The following NAV2 variants were observed in gnomAD, a reference collection of about 807,000 sequenced individuals.
The protein encoded by NAV2 is helicase, APC down-regulated 1.
A neutral mutation model predicts 223.2 loss-of-function variants in NAV2; 54 were observed. That is an observed-to-expected ratio of 0.24 (90% CI 0.19 to 0.30). The LOEUF (loss-of-function observed/expected upper bound fraction) is 0.30, where lower values mean the gene tolerates loss of function less well. Among genes scored for constraint, NAV2 ranks in the 10% least tolerant of loss-of-function variants. The pLI, the probability that NAV2 is intolerant of heterozygous loss-of-function variation, is 1.00. For missense variants in NAV2, 2,806 were observed against 3,147.5 expected (o/e 0.89, Z 2.60); for synonymous variants, 1,279 against 1,239.3 (o/e 1.03, Z -0.67).
chr11:19,873,129 T>A (rs995339561), intron 4 of NAV2, among the ~76,000 whole-genome samples: 1 of 152,028 alleles, frequency 6.6e-6, no homozygotes, highest in Non-Finnish European at 1.5e-5. Flanking sequence ...GGTTGGGGAG[T>A]AAGGCATATT....
intron 1 of NAV2, among the ~76,000 whole-genome samples, chr11:19,528,723 A>G (rs1417269119): frequency 2.0e-5 from 3 of 152,152 alleles, no homozygotes; most frequent in African/African-American, 7.2e-5. Context: ...CGAGGTCAAG[A>G]GATCGAAACC....
chr11:19,977,716 A>G (rs575448232), intron 10 of NAV2, among the ~76,000 whole-genome samples: 1 of 150,788 alleles, frequency 6.6e-6, no homozygotes, highest in African/African-American at 2.4e-5. Flanking sequence ...TTTTCCAGTC[A>G]TATTTTTGCA....
chr11:19,358,665 C>T (rs1853758888), intron 1 of NAV2, among the ~76,000 whole-genome samples: 1 of 152,106 alleles, frequency 6.6e-6, no homozygotes, highest in Admixed American at 6.5e-5. Flanking sequence ...ATCTGCATAC[C>T]TGGGAACAGT....
At chr11:19,645,334 C>T (rs929929173) in intron 1 of NAV2, among the ~76,000 whole-genome samples, 3 of 152,242 alleles carry the variant, frequency 2.0e-5, no homozygotes, top group African/African-American at 7.2e-5. Flanking sequence ...TGGGATTACA[C>T]TGGGTGCACC....
At chr11:19,633,773 G>A (rs2047412912) in intron 1 of NAV2, among the ~76,000 whole-genome samples, 3 of 152,208 alleles carry the variant, frequency 2.0e-5, no homozygotes, top group African/African-American at 7.2e-5. Context: ...TCTGGCTTCG[G>A]CCTTTGCTCC....
chr11:19,402,168 T>C (rs898078849), intron 1 of NAV2, among the ~76,000 whole-genome samples: 16 of 152,186 alleles, frequency 1.1e-4, no homozygotes, highest in African/African-American at 3.4e-4. Flanking sequence ...CTCTAGATGG[T>C]AGGAGAAGGT....
chr11:20,027,390 CT>C, intron 11 of NAV2: 1 of 982,030 alleles, frequency 1.0e-6, no homozygotes, highest in Non-Finnish European at 1.2e-6. Flanking sequence ...CTGAATGCAG[CT>C]GTCTGGCGGG....
chr11:19,394,191 C>A (rs770914567), intron 1 of NAV2, among the ~76,000 whole-genome samples: 31 of 152,124 alleles, frequency 2.0e-4, no homozygotes, highest in Non-Finnish European at 4.1e-4. Context: ...ATCCTGGATG[C>A]TTTTGGCCCA....
At chr11:19,871,117 G>A (rs557970876) in intron 4 of NAV2, among the ~76,000 whole-genome samples, 2 of 152,266 alleles carry the variant, frequency 1.3e-5, no homozygotes, top group South Asian at 2.1e-4. Context: ...AAGGAGTTTT[G>A]TGGTATTTCA....
At position 20,045,503 on chromosome 11, in the gene NAV2, G is replaced by T. The variant is rs946734631; in HGVS notation, c.3735G>T (p.Leu1245=). ...KTALGSSLPG[L]VNQTDKEKGI... ...CCCTAGGCAGCTCTCTACCAGGTCT[G>T]GTCAACCAAACAGACAAGGAGAAAG... is the stretch of plus-strand genomic sequence containing the variant. The change falls in exon 14 of 38, where the codon CTG becomes CTT. Residue 1245 remains leucine (L), a synonymous_variant. Transcript: ENST00000349880. The T allele has an allele frequency of 3.1e-6, 5 of 1,614,032 alleles. No individual in the cohort carries two copies. In the African/African-American group the frequency reaches 6.7e-5, roughly 22 times the overall value.
At chr11:19,843,254 C>T (rs2060603238) in intron 3 of NAV2, among the ~76,000 whole-genome samples, 1 of 152,202 alleles carries the variant, frequency 6.6e-6, no homozygotes. Flanking sequence ...CAAAGACCCA[C>T]ATCAATATGT....
chr11:19,691,303 A>G lies in NAV2; in HGVS notation c.76-141181A>G, dbSNP rs1473077911. ...TCATTATAGCAAATGAAATCATTTA[A>G]CCCAATATATCCAAAATATTCCCAT... is the stretch of plus-strand genomic sequence containing the variant. On this transcript the variant is annotated intron_variant, in intron 1 of 37. Transcript: ENST00000360655. Among the ~76,000 whole-genome samples the G allele has an allele frequency of 5.3e-5, 8 of 152,238 alleles. 1 individual carries two copies. The highest frequency in any genetic ancestry group is 5.2e-4 in the Admixed American group (8 of 15,288).
At chr11:20,059,906 C>T (rs2058599999) in intron 19 of NAV2, among the ~76,000 whole-genome samples, 1 of 152,230 alleles carries the variant, frequency 6.6e-6, no homozygotes, top group African/African-American at 2.4e-5. Flanking sequence ...AGGCTCTGAC[C>T]TGGCTCAATT....
intron 17 of NAV2, among the ~76,000 whole-genome samples, chr11:20,053,878 G>A (rs775950961): frequency 5.3e-5 from 8 of 152,126 alleles, no homozygotes; most frequent in Non-Finnish European, 1.0e-4. Context: ...CTGAAAGGGA[G>A]TAGTCATTTT....
intron 5 of NAV2, among the ~76,000 whole-genome samples, chr11:19,887,231 A>G (rs907006262): frequency 6.6e-6 from 1 of 152,072 alleles, no homozygotes; most frequent in Non-Finnish European, 1.5e-5. Flanking sequence ...GGGAAGCCTC[A>G]CCCTTGAATC....
intron 1 of NAV2, among the ~76,000 whole-genome samples, chr11:19,449,229 T>A (rs950146274): frequency 3.3e-5 from 5 of 151,532 alleles, no homozygotes; most frequent in Admixed American, 6.6e-5. Flanking sequence ...TGGTCCACAG[T>A]GATATAAGTG....
intron 1 of NAV2, among the ~76,000 whole-genome samples, chr11:19,379,174 G>A (rs143906697): frequency 9.8e-5 from 15 of 152,298 alleles, no homozygotes; most frequent in Admixed American, 5.9e-4. Flanking sequence ...GGCTGGTGGT[G>A]AGGAGATTGG....
At chr11:19,949,495 C>T (rs1452862276) in intron 10 of NAV2, among the ~76,000 whole-genome samples, 1 of 152,236 alleles carries the variant, frequency 6.6e-6, no homozygotes, top group Non-Finnish European at 1.5e-5. Context: ...TTGTCAAGCT[C>T]TTTCCGGCCT....
At chr11:19,732,060 C>T (rs2051826802) in intron 1 of NAV2, among the ~76,000 whole-genome samples, 1 of 151,916 alleles carries the variant, frequency 6.6e-6, no homozygotes, top group African/African-American at 2.4e-5. Context: ...ACCAGCCTGG[C>T]CAACATGGCA....
Sources: gnomAD v4.1 joint callset for allele counts (sites outside exome capture counted in the v4.1 genomes callset) on GRCh38, gnomAD v4.1.1 for gene constraint, MANE v1.5 for transcripts, NCBI Gene and HGNC (gene_info 2026-07-23, HGNC 2026-07-21) for gene names.